Variants in DNAH9 observed in about 807,000 individuals in gnomAD.
DNAH9 encodes the protein DNAH9 variant protein.
In DNAH9, 345 loss-of-function variants were observed where a neutral mutation model predicts 471.6. The observed-to-expected ratio is 0.73, with a 90% CI of 0.67 to 0.80. DNAH9 has a LOEUF of 0.80. Among genes scored for constraint, DNAH9 ranks in the 30% least tolerant of loss-of-function variants. DNAH9 has a pLI of 0.00. For missense variants in DNAH9, 5,407 were observed against 5,609.2 expected (o/e 0.96, Z 1.15); for synonymous variants, 2,093 against 2,123.6 (o/e 0.99, Z 0.40).
chr17:11,684,466 A>G (rs2074200137), intron 19 of DNAH9, among the ~76,000 whole-genome samples: 1 of 152,188 alleles, frequency 6.6e-6, no homozygotes, highest in Admixed American at 6.5e-5. Context: ...TGCAACTCTT[A>G]AAGCTGGTGA....
chr17:11,903,941 C>G (rs1973500471), intron 60 of DNAH9, among the ~76,000 whole-genome samples: 2 of 151,500 alleles, frequency 1.3e-5, no homozygotes, highest in Admixed American at 6.6e-5. Flanking sequence ...AGGAAAAATA[C>G]CAGGGAGACC....
In DNAH9 at chr17:11,664,986, G is replaced by T. The variant is rs774636634; in HGVS notation, c.2731+18G>T. On this transcript the variant is annotated intron_variant, in intron 15 of 68. Transcript: ENST00000262442. The stretch of plus-strand genomic sequence containing the variant: ...AAATACTGGTACTTACTGGCTTATG[G>T]ATGTGGGTTATTATTGGAAAGATAA... 1.2e-6 allele frequency: 2 copies of T among 1,604,986 alleles called. No homozygotes were observed. Among genetic ancestry groups the T allele is most frequent in the African/African-American group, 2.7e-5 (2 of 74,604 alleles).
intron 67 of DNAH9, among the ~76,000 whole-genome samples, chr17:11,945,194 G>A (rs1292916618): frequency 1.3e-5 from 2 of 152,150 alleles, no homozygotes; most frequent in Non-Finnish European, 2.9e-5. Context: ...AGGGGGAAGG[G>A]GAAGAGGAAA....
intron 68 of DNAH9, among the ~76,000 whole-genome samples, chr17:11,967,047 A>AG: frequency 6.6e-6 from 1 of 151,910 alleles, no homozygotes; most frequent in East Asian, 1.9e-4. Flanking sequence ...AAAAAAAAAA[A>AG]AAAAAAAGTA....
intron 67 of DNAH9, among the ~76,000 whole-genome samples, chr17:11,949,042 T>A (rs1233766863): frequency 1.3e-5 from 2 of 152,128 alleles, no homozygotes; most frequent in Non-Finnish European, 2.9e-5. Flanking sequence ...GAGGTATGAG[T>A]CCTTAGTTTG....
At chr17:11,807,488 A>G (rs550336980) in intron 43 of DNAH9, among the ~76,000 whole-genome samples, 8 of 152,166 alleles carry the variant, frequency 5.3e-5, no homozygotes, top group South Asian at 2.1e-4. Flanking sequence ...GCTCCCTTCC[A>G]TGGGCTCCCC....
intron 27 of DNAH9, among the ~76,000 whole-genome samples, chr17:11,726,779 T>A (rs769263341): frequency 2.0e-5 from 3 of 152,138 alleles, no homozygotes; most frequent in Non-Finnish European, 2.9e-5. Context: ...CTGGGCATGG[T>A]GGCTTATGCC....
At chr17:11,770,139 C>T (rs1165590251) in intron 38 of DNAH9, among the ~76,000 whole-genome samples, 1 of 152,190 alleles carries the variant, frequency 6.6e-6, no homozygotes, top group Non-Finnish European at 1.5e-5. Context: ...GAGCTGTTTG[C>T]AGCTGGATAA....
intron 67 of DNAH9, among the ~76,000 whole-genome samples, chr17:11,959,458 A>T (rs1279994973): frequency 6.6e-6 from 1 of 152,200 alleles, no homozygotes; most frequent in Non-Finnish European, 1.5e-5. Flanking sequence ...TTATCACATA[A>T]CTACAGATAT....
At chr17:11,662,747 CTTTTTTTTTTTT>C (rs71142226) in intron 14 of DNAH9, among the ~76,000 whole-genome samples, 8 of 45,436 alleles carry the variant, frequency 1.8e-4, no homozygotes, top group African/African-American at 2.4e-4. Flanking sequence ...TTGAGGCTCG[CTTTTTTTTTTTT>C]TTTTTTTTTT....
Position 11,769,109 on chromosome 17 carries a change from G to C in DNAH9, c.7345-13G>C. 1 of 1,614,070 alleles carries C rather than the reference G, an allele frequency of 6.2e-7. No individual in the cohort carries two copies. Among genetic ancestry groups the C allele is most frequent in the Non-Finnish European group, 8.5e-7 (1 of 1,179,956 alleles). On this transcript the variant is annotated splice_polypyrimidine_tract_variant and intron_variant, in intron 37 of 68. Transcript: ENST00000262442. ...AGCCCACCCTTGGCAGGCTTATTGT[G>C]CTCCCATTCCAGGCGTGTTTGGTGC... is the stretch of plus-strand genomic sequence containing the variant.
chr17:11,908,017 T>C (rs908453993), intron 61 of DNAH9, among the ~76,000 whole-genome samples: 1 of 152,238 alleles, frequency 6.6e-6, no homozygotes, highest in Admixed American at 6.5e-5. Flanking sequence ...AGATTCTGTA[T>C]GTGTCTGTTT....
chr17:11,849,295 C>T (rs1179750930), intron 49 of DNAH9, among the ~76,000 whole-genome samples: 1 of 152,210 alleles, frequency 6.6e-6, no homozygotes, highest in Non-Finnish European at 1.5e-5. Flanking sequence ...TCTTGTTCCT[C>T]ATCCACTCTC....
intron 14 of DNAH9, 67 bp from the exon 15 acceptor site, chr17:11,664,766 C>G: frequency 7.6e-7 from 1 of 1,318,370 alleles, no homozygotes. Context: ...TTTATTTTGA[C>G]TGTTGATTAC....
chr17:11,911,324 G>T (rs1461101544), intron 61 of DNAH9, among the ~76,000 whole-genome samples: 1 of 152,086 alleles, frequency 6.6e-6, no homozygotes, highest in East Asian at 1.9e-4. Context: ...TAGAACCCTT[G>T]TCAAAAATAG....
At chr17:11,822,289 TG>T in intron 46 of DNAH9, 148 bp from the exon 47 acceptor site, 1 of 1,081,046 alleles carries the variant, frequency 9.3e-7, no homozygotes. Flanking sequence ...ATCTCTTGGC[TG>T]GTGAGGCTGG....
intron 3 of DNAH9, 97 bp downstream of exon 3, chr17:11,610,651 CTTCCCTATA>C (rs1410852232): frequency 1.7e-6 from 2 of 1,178,558 alleles, no homozygotes; most frequent in Non-Finnish European, 2.4e-6. Flanking sequence ...TGAGCCTATT[CTTCCCTATA>C]GGTATTTCAC....
intron 26 of DNAH9, among the ~76,000 whole-genome samples, chr17:11,713,869 G>A (rs2074915214): frequency 6.6e-6 from 1 of 152,164 alleles, no homozygotes. Flanking sequence ...AATGAGAAGT[G>A]TAATTATAAC....
rs1332975032 is a variant in DNAH9 at position 11,705,110 on chromosome 17, G to C, written c.5477G>C (p.Cys1826Ser). 6.2e-7 allele frequency: 1 copy of C among 1,614,182 alleles called. No homozygotes were observed. The highest frequency in any genetic ancestry group is 2.2e-5 in the East Asian group (1 of 44,884). The change falls in exon 26 of 69, where the codon TGT becomes TCT. Residue 1826 changes from cysteine (C) to serine (S), a missense_variant. Cys to Ser is a moderately radical substitution (Grantham distance 112). Transcript: ENST00000262442. Reference protein sequence around the residue: ...DEVKHCFANICDAQFLYSYEY... With the variant: ...DEVKHCFANISDAQFLYSYEY... ...GTCAAACACTGCTTTGCCAACATCTGTGATGCCCAGTTTTTGTATTCCTAT... is the reference window on the plus strand; with the variant it reads ...GTCAAACACTGCTTTGCCAACATCTCTGATGCCCAGTTTTTGTATTCCTAT...
Sources: allele counts gnomAD v4.1 joint callset (sites outside exome capture counted in the v4.1 genomes callset), GRCh38; gene constraint gnomAD v4.1.1; transcripts MANE v1.5; gene names NCBI Gene and HGNC (gene_info 2026-07-23, HGNC 2026-07-21).